MED13: variants seen among roughly 807,000 people sequenced by gnomAD.
MED13 encodes the protein mediator of RNA polymerase II transcription subunit 13.
A neutral mutation model predicts 225.2 loss-of-function variants in MED13; 23 were observed. The ratio of observed to expected loss-of-function variants is 0.10; its 90% CI spans 0.07 to 0.14. The LOEUF (loss-of-function observed/expected upper bound fraction) is 0.14. MED13 is among the 10% of genes least tolerant of loss of function. The pLI is 1.00. For synonymous variants in MED13, 942 were observed against 889.2 expected, an observed-to-expected ratio of 1.06 and a Z score of -1.06; for missense variants, 2,197 against 2,594.5, an observed-to-expected ratio of 0.85 and a Z score of 3.33.
At chr17:62,062,924 T>C (rs367935016) in intron 2 of MED13, 143 bp downstream of exon 2, 2 of 601,094 alleles carry the variant, frequency 3.3e-6, no homozygotes, top group Non-Finnish European at 5.7e-6. Flanking sequence ...ATAATCATGG[T>C]GAAATAAAAC....
chr17:61,976,918 T>A (rs1015881391), intron 16 of MED13, among the ~76,000 whole-genome samples: 4 of 151,924 alleles, frequency 2.6e-5, no homozygotes, highest in African/African-American at 9.7e-5. Context: ...GGCAACAGAG[T>A]GAGACTCCGT....
chr17:62,061,288 A>G (rs373543491), intron 2 of MED13, among the ~76,000 whole-genome samples: 1 of 152,196 alleles, frequency 6.6e-6, no homozygotes, highest in East Asian at 1.9e-4. Context: ...GGAGGTTAAG[A>G]TGGAAGGATC....
At chr17:61,951,541 A>G (rs2079896705) in intron 27 of MED13, among the ~76,000 whole-genome samples, 1 of 152,178 alleles carries the variant, frequency 6.6e-6, no homozygotes, top group Admixed American at 6.5e-5. Context: ...AATATGCATG[A>G]AAACGTTCAT....
chr17:61,976,716 C>T (rs767040381), intron 16 of MED13, among the ~76,000 whole-genome samples: 6 of 152,040 alleles, frequency 3.9e-5, no homozygotes, highest in Admixed American at 6.6e-5. Flanking sequence ...AGGTGGATCA[C>T]GAGGTCAGGA....
At chr17:61,959,730 T>C (rs1248824281) in intron 23 of MED13, among the ~76,000 whole-genome samples, 1 of 148,856 alleles carries the variant, frequency 6.7e-6, no homozygotes, top group African/African-American at 2.5e-5. Flanking sequence ...CCAAATCTTT[T>C]TTTTTTTTTT....
At chr17:61,949,696 T>G (rs909628405) in intron 28 of MED13, among the ~76,000 whole-genome samples, 1 of 151,970 alleles carries the variant, frequency 6.6e-6, no homozygotes, top group Admixed American at 6.6e-5. Flanking sequence ...TTTTTTTGTT[T>G]GTTTGTTTTG....
At chr17:61,948,074 A>C (rs1269816080) in intron 28 of MED13, among the ~76,000 whole-genome samples, 1 of 152,224 alleles carries the variant, frequency 6.6e-6, no homozygotes, top group Non-Finnish European at 1.5e-5. Context: ...AATCACTACA[A>C]ATTTTTAAAA....
Position 61,955,391 on chromosome 17 carries a change from G to T in MED13, c.5959C>A (p.Pro1987Thr), listed in dbSNP as rs757592412. Residue 1987 changes from proline to threonine, a missense_variant, in exon 26 of 30, where the codon CCC (proline) becomes ACC (threonine). Physicochemically the swap from Pro to Thr is conservative, Grantham distance 38. Around this residue, in one of 12 missense-constraint regions of MED13, gnomAD observed 216 missense variants for 388.9 expected, o/e 0.56. Coordinates refer to ENST00000397786, the MANE Select transcript of MED13 (RefSeq NM_005121.3). ...GGAACAAATTACGTACCATTGTTGG[G>T]ATTGAAAGCTAAATCCAAATTTTCA... is the stretch of plus-strand genomic sequence containing the variant. ...TTENLDLAFN[P>T]NNDGADGMGI... 1.3e-5 allele frequency: 20 copies of T among 1,546,838 alleles called. No homozygotes were observed. The South Asian group carries it at 1.8e-4, about 14-fold the overall frequency.
chr17:62,034,840 C>T (rs1027828889), intron 4 of MED13, among the ~76,000 whole-genome samples: 4 of 152,022 alleles, frequency 2.6e-5, no homozygotes, highest in Non-Finnish European at 5.9e-5. Flanking sequence ...TCTGGCCGGA[C>T]ATGGTGGCTC....
chr17:62,051,330 G>C (rs2080954914), intron 3 of MED13, among the ~76,000 whole-genome samples: 1 of 152,172 alleles, frequency 6.6e-6, no homozygotes, highest in African/African-American at 2.4e-5. Context: ...GGACCATGAA[G>C]ATGTAAAAAT....
chr17:61,999,734 A>T (rs1348529445), intron 9 of MED13, among the ~76,000 whole-genome samples: 1 of 152,164 alleles, frequency 6.6e-6, no homozygotes, highest in Non-Finnish European at 1.5e-5. Context: ...CTAGTTAGGT[A>T]GCCATCACCA....
At chr17:62,060,427 C>T (rs1568008789) in intron 2 of MED13, among the ~76,000 whole-genome samples, 2 of 152,000 alleles carry the variant, frequency 1.3e-5, no homozygotes, top group African/African-American at 4.8e-5. Context: ...TCGAGACCAT[C>T]CTGTCTAACA....
intron 20 of MED13, among the ~76,000 whole-genome samples, chr17:61,963,624 C>T (rs1285518058): frequency 6.6e-6 from 1 of 152,136 alleles, no homozygotes; most frequent in Admixed American, 6.5e-5. Context: ...AGACTATATA[C>T]ATTTATTTCA....
intron 16 of MED13, among the ~76,000 whole-genome samples, chr17:61,981,636 T>G (rs775875737): frequency 3.3e-5 from 5 of 152,252 alleles, no homozygotes; most frequent in Non-Finnish European, 7.3e-5. Flanking sequence ...CTATGTTATG[T>G]AGGAGTTTTC....
At chr17:61,966,378 T>C (rs1054215633) in intron 19 of MED13, 84 bp downstream of exon 19, 38 of 1,109,914 alleles carry the variant, frequency 3.4e-5, no homozygotes, top group Non-Finnish European at 4.7e-5. Context: ...TGTGTTCCAA[T>C]AAAATTTTAT....
At chr17:62,017,908 C>G (rs2080598797) in intron 8 of MED13, among the ~76,000 whole-genome samples, 1 of 152,190 alleles carries the variant, frequency 6.6e-6, no homozygotes, top group Non-Finnish European at 1.5e-5. Context: ...GACTGAGTTA[C>G]AAGCTGAAAC....
chr17:62,009,991 G>C (rs1024791330), intron 9 of MED13, among the ~76,000 whole-genome samples: 4 of 152,142 alleles, frequency 2.6e-5, no homozygotes, highest in African/African-American at 7.2e-5. Flanking sequence ...GGAGGCCGAG[G>C]TGGGTGGATC....
At chr17:61,973,898 G>A (rs1045866483) in intron 16 of MED13, among the ~76,000 whole-genome samples, 4 of 151,730 alleles carry the variant, frequency 2.6e-5, no homozygotes, top group South Asian at 2.1e-4. Flanking sequence ...CAGGAGAATC[G>A]CTTAAACCCA....
intron 11 of MED13, among the ~76,000 whole-genome samples, chr17:61,990,627 G>GTATGTATATATATATATATATA (rs1555635070): frequency 2.1e-4 from 29 of 138,990 alleles, no homozygotes; most frequent in African/African-American, 6.1e-4. Context: ...GGCGCACTGT[G>GTATGTATATATATATATATATA]TATATATATA....
Sources: allele counts gnomAD v4.1 joint callset (sites outside exome capture counted in the v4.1 genomes callset), GRCh38; gene constraint gnomAD v4.1.1; regional missense constraint gnomAD v4.1.1; transcripts MANE v1.5; gene names NCBI Gene and HGNC (gene_info 2026-07-23, HGNC 2026-07-21).